SLC3A1: variants seen among roughly 807,000 people sequenced by gnomAD.
The protein encoded by SLC3A1 is amino acid transporter heavy chain SLC3A1.
Under a neutral mutation model 60.3 loss-of-function variants are expected in SLC3A1, and 78 were observed. That is an observed-to-expected ratio of 1.29 (90% confidence interval 1.08 to 1.56). The LOEUF (loss-of-function observed/expected upper bound fraction) is 1.56. Among genes scored for constraint, SLC3A1 ranks in the 40% most tolerant of loss-of-function variants. SLC3A1 has a pLI of 0.00. For synonymous variants in SLC3A1, 392 were observed against 307.9 expected, an observed-to-expected ratio of 1.27 and a Z score of -2.86; for missense variants, 1,172 against 858.9, an observed-to-expected ratio of 1.36 and a Z score of -4.56.
intron 4 of SLC3A1, among the ~76,000 whole-genome samples, chr2:44,289,945 T>C (rs1463323437): frequency 6.6e-6 from 1 of 152,092 alleles, no homozygotes; most frequent in East Asian, 1.9e-4. Flanking sequence ...TTATTTATTT[T>C]TTTCTTTTGT....
Position 44,306,164 on chromosome 2 carries a change from C to G in SLC3A1, c.1332+1826C>G, listed in dbSNP as rs534155777. Among the ~76,000 whole-genome samples the G allele has an allele frequency of 2.6e-5, 4 of 152,288 alleles. No homozygotes were observed. The South Asian group carries it at 8.3e-4, about 32-fold the overall frequency. Reference sequence around the variant, plus strand: ...AGAGAGAGAGTTGCCTTACACTAGTCAATATCTTCTGTTGTACCCCCACAA... The same window carrying G: ...AGAGAGAGAGTTGCCTTACACTAGTGAATATCTTCTGTTGTACCCCCACAA... On this transcript the variant is annotated intron_variant, in intron 7 of 9. Transcript: ENST00000260649.
At chr2:44,309,583 C>G (rs949361339) in intron 7 of SLC3A1, among the ~76,000 whole-genome samples, 6 of 152,104 alleles carry the variant, frequency 3.9e-5, no homozygotes, top group Non-Finnish European at 8.8e-5. Flanking sequence ...AGTGGAATTG[C>G]TGGATCACAT....
At chr2:44,306,930 A>G (rs1237745170) in intron 7 of SLC3A1, among the ~76,000 whole-genome samples, 3 of 152,084 alleles carry the variant, frequency 2.0e-5, no homozygotes, top group Non-Finnish European at 4.4e-5. Flanking sequence ...ACCATCACCA[A>G]TGTCTCATTC....
At chr2:44,311,614 G>C (rs1022942948) in intron 7 of SLC3A1, among the ~76,000 whole-genome samples, 2 of 151,886 alleles carry the variant, frequency 1.3e-5, no homozygotes, top group Non-Finnish European at 2.9e-5. Flanking sequence ...AGAATAAAAG[G>C]ATGGAGGCAA....
At chr2:44,300,923 G>C in intron 5 of SLC3A1, 80 bp from the exon 6 acceptor site, 1 of 1,568,832 alleles carries the variant, frequency 6.4e-7, no homozygotes, top group Non-Finnish European at 8.8e-7. Flanking sequence ...CTTTGAAGAG[G>C]TTGTCTACAT....
At chr2:44,306,577 C>T (rs374141065) in intron 7 of SLC3A1, among the ~76,000 whole-genome samples, 82 of 107,288 alleles carry the variant, frequency 7.6e-4, no homozygotes, top group Middle Eastern at 0.016. Context: ...TTTTTTGAGA[C>T]GGAGTTTTGC....
chr2:44,289,747 C>T (rs1190887358), intron 4 of SLC3A1, among the ~76,000 whole-genome samples: 1 of 152,150 alleles, frequency 6.6e-6, no homozygotes, highest in Non-Finnish European at 1.5e-5. Context: ...TTTCCTGCTG[C>T]AGCCTCCTGA....
intron 1 of SLC3A1, among the ~76,000 whole-genome samples, chr2:44,279,091 C>G (rs1423085990): frequency 6.6e-6 from 1 of 151,858 alleles, no homozygotes; most frequent in African/African-American, 2.4e-5. Context: ...CTCCGCCTCC[C>G]AGGTTCAAGC....
chr2:44,320,956 A>C lies in SLC3A1; in HGVS notation c.*317A>C, dbSNP rs1572833362. 2 of 408,538 alleles carry C rather than the reference A, an allele frequency of 4.9e-6. No homozygotes were observed. Among genetic ancestry groups the C allele is most frequent in the African/African-American group, 4.1e-5 (2 of 49,276 alleles). The allele number at this position is 408,538 out of a possible 1,614,324, so 25.3% of individuals were successfully genotyped here. On this transcript the variant is annotated 3_prime_UTR_variant, in exon 10 of 10. Coordinates refer to ENST00000260649, the MANE Select transcript of SLC3A1 (RefSeq NM_000341.4). Reference sequence around the variant, plus strand: ...GAAGAATTTTATCTTTTCCCTTAAAATGCAGTCATAGAAATTAGAGGATGA... The same window carrying C: ...GAAGAATTTTATCTTTTCCCTTAAACTGCAGTCATAGAAATTAGAGGATGA...
chr2:44,281,677 A>T (rs1671503401), intron 3 of SLC3A1, 136 bp downstream of exon 3: 2 of 789,648 alleles, frequency 2.5e-6, no homozygotes, highest in Admixed American at 4.5e-5. Context: ...TGAAAGAAAT[A>T]GAAATAAGGT....
intron 9 of SLC3A1, 196 bp from the exon 10 acceptor site, chr2:44,320,003 A>C (rs3197473): frequency 1.7e-6 from 1 of 584,086 alleles, no homozygotes; most frequent in African/African-American, 1.9e-5. Flanking sequence ...GACAAGCCGA[A>C]ACCCCGAATT....
intron 9 of SLC3A1, chr2:44,314,437 C>G (rs563742350): frequency 5.1e-6 from 1 of 196,402 alleles, no homozygotes; most frequent in Non-Finnish European, 1.1e-5. Flanking sequence ...ACTAATACAA[C>G]TTTGGCTTTT....
At chr2:44,300,262 C>T (rs879096682) in intron 5 of SLC3A1, among the ~76,000 whole-genome samples, 172 bp downstream of exon 5, 2 of 152,116 alleles carry the variant, frequency 1.3e-5, no homozygotes, top group African/African-American at 2.4e-5. Context: ...CATATGCACT[C>T]GATGTTTTTT....
intron 9 of SLC3A1, chr2:44,317,724 TAGA>T (rs1385896582): frequency 2.9e-4 from 44 of 152,204 alleles, no homozygotes; most frequent in African/African-American, 1.0e-3. Flanking sequence ...CAAAGAATAC[TAGA>T]AGAAAAAAAT....
rs758825552 is a variant in SLC3A1, at chr2:44,275,601, C to CAAG, written c.66_67insAAG (p.Asn22_Gly23insLys). 1.9e-5 allele frequency: 30 copies of CAAG among 1,613,908 alleles called. No individual in the cohort carries two copies. In the East Asian group the frequency reaches 6.0e-4, roughly 32 times the overall value. Reference sequence around the variant, plus strand: ...GTATGAAGGGATGCCAGACAAACAACGGGTTTGTCCATAATGAAGACATTC... The same window carrying CAAG: ...GTATGAAGGGATGCCAGACAAACAACAAGGGGTTTGTCCATAATGAAGACATTC... On this transcript the variant is annotated inframe_insertion, in exon 1 of 10. Coordinates refer to ENST00000260649, the MANE Select transcript of SLC3A1 (RefSeq NM_000341.4).
intron 7 of SLC3A1, among the ~76,000 whole-genome samples, chr2:44,308,631 G>A (rs896058938): frequency 7.9e-5 from 12 of 152,036 alleles, no homozygotes; most frequent in Admixed American, 6.6e-5. Context: ...TTCATTATTA[G>A]TGTATAGAAA....
At chr2:44,286,220 C>G in intron 4 of SLC3A1, 63 bp downstream of exon 4, 2 of 1,484,214 alleles carry the variant, frequency 1.3e-6, no homozygotes, top group East Asian at 2.3e-5. Flanking sequence ...ATTTAAAACA[C>G]TTTATATTGC....
intron 7 of SLC3A1, among the ~76,000 whole-genome samples, chr2:44,312,352 G>T (rs1672319403): frequency 6.6e-6 from 1 of 152,022 alleles, no homozygotes; most frequent in South Asian, 2.1e-4. Flanking sequence ...AGTTTTATTT[G>T]CAATATCATT....
intron 7 of SLC3A1, among the ~76,000 whole-genome samples, chr2:44,307,224 T>C (rs1157390746): frequency 6.6e-6 from 1 of 152,202 alleles, no homozygotes; most frequent in Non-Finnish European, 1.5e-5. Context: ...TAAAGCCCAT[T>C]TTGTTTATCT....
Sources: gnomAD v4.1 joint callset for allele counts (sites outside exome capture counted in the v4.1 genomes callset) on GRCh38, gnomAD v4.1.1 for gene constraint, MANE v1.5 for transcripts, NCBI Gene and HGNC (gene_info 2026-07-23, HGNC 2026-07-21) for gene names.